The following FOXP1 variants were observed in gnomAD, a reference collection of about 807,000 sequenced individuals.
FOXP1 encodes forkhead box P1.
FOXP1 carries 15 observed loss-of-function variants against 98.2 expected under a neutral mutation model. The observed-to-expected ratio is 0.15, with a 90% confidence interval of 0.10 to 0.24. The LOEUF is 0.24. Ranked by LOEUF, FOXP1 falls within the 10% of genes least tolerant of loss-of-function variation. The pLI is 1.00. For synonymous variants in FOXP1, 371 were observed against 314.5 expected, an observed-to-expected ratio of 1.18 and a Z score of -1.90; for missense variants, 633 against 848.5, an observed-to-expected ratio of 0.75 and a Z score of 3.15.
chr3:71,155,205 G>A (rs1391741831), intron 6 of FOXP1, among the ~76,000 whole-genome samples: 2 of 152,096 alleles, frequency 1.3e-5, no homozygotes, highest in African/African-American at 4.8e-5. Flanking sequence ...AGGTAACCAG[G>A]GAACCAAAGG....
chr3:70,967,533 C>T (rs2035066472), intron 19 of FOXP1, among the ~76,000 whole-genome samples: 1 of 152,002 alleles, frequency 6.6e-6, no homozygotes, highest in Admixed American at 6.6e-5. Context: ...TGATGAACAG[C>T]AAATGTGAAC....
intron 9 of FOXP1, 63 bp from the exon 10 acceptor site, chr3:71,047,158 C>A: frequency 1.9e-6 from 3 of 1,567,310 alleles, no homozygotes; most frequent in Non-Finnish European, 2.6e-6. Flanking sequence ...AAAGTATGGA[C>A]ACTTCAAAAC....
At chr3:71,519,595 C>A (rs77750756) in intron 2 of FOXP1, among the ~76,000 whole-genome samples, 33 of 152,316 alleles carry the variant, frequency 2.2e-4, no homozygotes, top group African/African-American at 7.5e-4. Context: ...TCTGGTTCCA[C>A]GCAACAGATC....
intron 7 of FOXP1, among the ~76,000 whole-genome samples, chr3:71,068,125 A>G (rs1160050426): frequency 1.3e-5 from 2 of 152,150 alleles, no homozygotes; most frequent in Admixed American, 6.5e-5. Context: ...TGATGCCCAC[A>G]TCCTAACACC....
At chr3:71,582,918 T>C in intron 1 of FOXP1, 3 of 614,842 alleles carry the variant, frequency 4.9e-6, no homozygotes, top group Non-Finnish European at 6.1e-6. Flanking sequence ...GGCACCACAG[T>C]CAGTTTGCTG....
intron 4 of FOXP1, among the ~76,000 whole-genome samples, chr3:71,355,173 T>C (rs1000900944): frequency 7.2e-5 from 11 of 152,302 alleles, no homozygotes; most frequent in South Asian, 4.1e-4. Context: ...CTCAACCAGA[T>C]ACAGTCCTCT....
intron 5 of FOXP1, among the ~76,000 whole-genome samples, chr3:71,262,657 A>G (rs1328816747): frequency 6.6e-6 from 1 of 152,172 alleles, no homozygotes; most frequent in Non-Finnish European, 1.5e-5. Flanking sequence ...TGAGGGTCAG[A>G]GTCTAAATGG....
chr3:71,328,986 AAAAC>A lies in FOXP1; in HGVS notation c.-72-29110_-72-29107del, dbSNP rs1223486349. Among the ~76,000 whole-genome samples, 286 of 134,656 alleles carry A rather than the reference AAAAC, an allele frequency of 2.1e-3. 52 individuals are homozygous for A. Among genetic ancestry groups the A allele is most frequent in the South Asian group, 6.8e-3 (25 of 3,694 alleles). The allele number at this position is 134,656 out of a possible 152,430, so 88.3% of individuals were successfully genotyped here. A position where few individuals can be genotyped will look rare whatever the true frequency, so the allele number is the denominator to read the frequency against. ...AACTCCATCTCGCTAAAAAAAAAAA[AAAAC>A]AAAAAAAAAAAAACTGACAGTTTCA... On this transcript the variant is annotated intron_variant, in intron 4 of 20. Coordinates refer to ENST00000649528, the MANE Select transcript of FOXP1 (RefSeq NM_001349338.3).
intron 5 of FOXP1, among the ~76,000 whole-genome samples, chr3:71,261,747 C>T (rs1439491727): frequency 6.6e-6 from 1 of 152,148 alleles, no homozygotes; most frequent in Non-Finnish European, 1.5e-5. Context: ...TGATGTTACT[C>T]TCGAGGGGAC....
At chr3:71,413,036 T>C (rs2082879162) in intron 3 of FOXP1, among the ~76,000 whole-genome samples, 1 of 152,048 alleles carries the variant, frequency 6.6e-6, no homozygotes, top group Non-Finnish European at 1.5e-5. Flanking sequence ...CAGGGCTTCG[T>C]CTTTGAAAAA....
At chr3:71,201,293 A>G (rs1231160007) in intron 5 of FOXP1, among the ~76,000 whole-genome samples, 1 of 152,222 alleles carries the variant, frequency 6.6e-6, no homozygotes, top group Non-Finnish European at 1.5e-5. Context: ...AGTGAAACCT[A>G]GGTACTTTTC....
intron 20 of FOXP1, 56 bp from the exon 21 acceptor site, chr3:70,959,447 G>C: frequency 6.2e-7 from 1 of 1,608,056 alleles, no homozygotes; most frequent in South Asian, 1.1e-5. Flanking sequence ...TTGCAGCTCA[G>C]GTGCACTGAA....
chr3:71,094,278 C>CTTTTTTTTTTT (rs1180804992), intron 7 of FOXP1, among the ~76,000 whole-genome samples: 1 of 127,824 alleles, frequency 7.8e-6, no homozygotes. Flanking sequence ...TTTTTCTTTT[C>CTTTTTTTTTTT]TTTTTTTTTT....
At chr3:71,376,658 C>T (rs1191296206) in intron 3 of FOXP1, among the ~76,000 whole-genome samples, 1 of 152,224 alleles carries the variant, frequency 6.6e-6, no homozygotes, top group Non-Finnish European at 1.5e-5. Context: ...CGGGAAACAA[C>T]ACCATCAGCT....
chr3:71,472,363 T>C (rs2089439842), intron 3 of FOXP1, among the ~76,000 whole-genome samples: 1 of 152,064 alleles, frequency 6.6e-6, no homozygotes, highest in African/African-American at 2.4e-5. Flanking sequence ...ACAAAAATGA[T>C]TGACCAAAAA....
chr3:70,980,476 A>G (rs1485700761), intron 14 of FOXP1, among the ~76,000 whole-genome samples: 2 of 152,194 alleles, frequency 1.3e-5, no homozygotes. Context: ...CTGAGATGTT[A>G]TTACTCATAC....
At chr3:71,234,170 A>T (rs78763539) in intron 5 of FOXP1, among the ~76,000 whole-genome samples, 1 of 151,240 alleles carries the variant, frequency 6.6e-6, no homozygotes, top group African/African-American at 2.4e-5. Flanking sequence ...AAAAAAAAAA[A>T]ATAAGAAAAG....
rs573994469 is a variant in FOXP1, at chr3:71,178,708, C to G, written c.180+19494G>C. Reference sequence around the variant, plus strand: ...ACCATCCTGGCTAACATGGTGAAACCCTGTCTCTACTAAAAATACAAAAAA... The same window carrying G: ...ACCATCCTGGCTAACATGGTGAAACGCTGTCTCTACTAAAAATACAAAAAA... On this transcript the variant is annotated intron_variant, in intron 6 of 20. Transcript: ENST00000649528. 6.6e-5 allele frequency among the ~76,000 whole-genome samples: 10 copies of G among 151,678 alleles called. No individual in the cohort carries two copies. In the East Asian group the frequency reaches 2.0e-3, roughly 30 times the overall value.
At chr3:71,178,564 T>C (rs2062086413) in intron 6 of FOXP1, among the ~76,000 whole-genome samples, 1 of 151,934 alleles carries the variant, frequency 6.6e-6, no homozygotes, top group Non-Finnish European at 1.5e-5. Flanking sequence ...GCCTGGTCAA[T>C]GTGGTGACAC....
Sources: allele counts gnomAD v4.1 joint callset (sites outside exome capture counted in the v4.1 genomes callset), GRCh38; gene constraint gnomAD v4.1.1; transcripts MANE v1.5; gene names NCBI Gene and HGNC (gene_info 2026-07-23, HGNC 2026-07-21).